THRB: variants seen among roughly 807,000 people sequenced by gnomAD.
THRB encodes the protein thyroid hormone receptor beta.
THRB carries 12 observed loss-of-function variants against 47.8 expected under a neutral mutation model. The observed-to-expected ratio is 0.25, with a 90% CI of 0.16 to 0.41. The LOEUF is 0.41. Ranked by LOEUF, THRB falls within the 10% of genes least tolerant of loss-of-function variation. The pLI is 1.00. For synonymous variants in THRB, 218 were observed against 212.2 expected (o/e 1.03, Z -0.24); for missense variants, 348 against 589.2 (o/e 0.59, Z 4.24).
In THRB at chr3:24,193,321, A is replaced by T. The variant is rs1033813141; in HGVS notation, c.23-2987T>A. Among the ~76,000 whole-genome samples the T allele has an allele frequency of 2.0e-5, 3 of 152,324 alleles. No individual in the cohort carries two copies. The East Asian group carries it at 5.8e-4, about 29-fold the overall frequency. ...CCTGAGGCACTATTAAACAACACTG[A>T]AGACCAGGCTTTTTGAAATTTGGAT... On this transcript the variant is annotated intron_variant, in intron 4 of 10. Coordinates refer to ENST00000646209, the MANE Select transcript of THRB (RefSeq NM_001354712.2).
At chr3:24,255,250 T>C (rs928369567) in intron 3 of THRB, among the ~76,000 whole-genome samples, 23 of 152,200 alleles carry the variant, frequency 1.5e-4, no homozygotes, top group Admixed American at 1.3e-4. Flanking sequence ...CCTCCCTCTA[T>C]GCATCCTTTT....
chr3:24,384,485 C>T (rs1179707999), intron 1 of THRB, among the ~76,000 whole-genome samples: 1 of 152,034 alleles, frequency 6.6e-6, no homozygotes, highest in Non-Finnish European at 1.5e-5. Context: ...GGGGGTGGAG[C>T]AATGGTGAAA....
chr3:24,251,383 G>C (rs1473613644), intron 3 of THRB, among the ~76,000 whole-genome samples: 1 of 151,972 alleles, frequency 6.6e-6, no homozygotes, highest in Non-Finnish European at 1.5e-5. Flanking sequence ...CATGTGTAAA[G>C]ATATCCCAAA....
intron 4 of THRB, among the ~76,000 whole-genome samples, chr3:24,214,536 C>T (rs2046371858): frequency 6.6e-6 from 1 of 152,208 alleles, no homozygotes; most frequent in South Asian, 2.1e-4. Flanking sequence ...ACCGAAGGTG[C>T]CGGTTTCCTC....
At position 24,290,199 on chromosome 3, in the gene THRB, G is replaced by A. The variant is rs987318152; in HGVS notation, c.-43+7027C>T. Among the ~76,000 whole-genome samples the A allele has an allele frequency of 4.6e-5, 7 of 152,116 alleles. 1 individual carries two copies. The highest frequency in any genetic ancestry group is 1.4e-4 in the African/African-American group (6 of 41,492). On this transcript the variant is annotated intron_variant, in intron 3 of 10. Transcript: ENST00000646209. ...CAGAAAGAAAAATATTTGGTGCTTAGTTACGTTTCTTTTGAGATATGAAGG... is the reference window on the plus strand; with the variant it reads ...CAGAAAGAAAAATATTTGGTGCTTAATTACGTTTCTTTTGAGATATGAAGG...
At chr3:24,171,773 T>C (rs990843395) in intron 5 of THRB, among the ~76,000 whole-genome samples, 1 of 152,132 alleles carries the variant, frequency 6.6e-6, no homozygotes, top group Non-Finnish European at 1.5e-5. Context: ...CTTGAGTCAC[T>C]AGATCATGCA....
intron 1 of THRB, among the ~76,000 whole-genome samples, chr3:24,415,789 C>A (rs1359525970): frequency 1.3e-5 from 2 of 151,734 alleles, no homozygotes; most frequent in African/African-American, 2.4e-5. Context: ...TATCTTGTGC[C>A]TTTTTGCTAT....
At chr3:24,242,268 A>AG (rs930613058) in intron 3 of THRB, among the ~76,000 whole-genome samples, 12 of 152,160 alleles carry the variant, frequency 7.9e-5, no homozygotes, top group Non-Finnish European at 1.6e-4. Context: ...TCCTGCTGGG[A>AG]GGGGGAAGGG....
intron 3 of THRB, among the ~76,000 whole-genome samples, chr3:24,258,627 C>T (rs2051584470): frequency 1.3e-5 from 2 of 152,162 alleles, no homozygotes; most frequent in South Asian, 4.1e-4. Context: ...GTATACATTA[C>T]TGCATACGCT....
intron 1 of THRB, among the ~76,000 whole-genome samples, chr3:24,401,612 A>G (rs887964593): frequency 4.6e-5 from 7 of 152,026 alleles, no homozygotes; most frequent in African/African-American, 1.4e-4. Flanking sequence ...TAATGAGGAT[A>G]TAGTTTTAAG....
chr3:24,386,767 C>T (rs1427499650), intron 1 of THRB, among the ~76,000 whole-genome samples: 1 of 152,108 alleles, frequency 6.6e-6, no homozygotes, highest in East Asian at 1.9e-4. Flanking sequence ...CCAAGGGCTA[C>T]CATTTTCTTG....
rs113338039 is a variant in THRB at position 24,244,449 on chromosome 3, A to T, written c.-42-15448T>A. Among the ~76,000 whole-genome samples the T allele has an allele frequency of 3.1e-3, 466 of 152,232 alleles. 1 individual carries two copies. Among genetic ancestry groups the T allele is most frequent in the African/African-American group, 0.011 (451 of 41,560 alleles). ...CATTTGCTGCCAGAGACATCTATTT[A>T]TTGGTAAAGAAATGTAATTGAAACT... is the stretch of plus-strand genomic sequence containing the variant. On this transcript the variant is annotated intron_variant, in intron 3 of 10. Coordinates refer to ENST00000646209, the MANE Select transcript of THRB (RefSeq NM_001354712.2).
intron 4 of THRB, among the ~76,000 whole-genome samples, chr3:24,220,333 A>C (rs826247): frequency 0.25 from 38,702 of 151,964 alleles, 5,438 homozygotes; most frequent in Admixed American, 0.34. Flanking sequence ...TCTACAAAAA[A>C]TACAAAAATT....
chr3:24,199,970 A>G (rs79947603), intron 4 of THRB, among the ~76,000 whole-genome samples: 5,513 of 152,254 alleles, frequency 0.036, 303 homozygotes, highest in African/African-American at 0.12. Context: ...GGAGGACACA[A>G]TGGAATCCTC....
chr3:24,300,020 A>C (rs565829681), intron 2 of THRB, among the ~76,000 whole-genome samples: 2 of 152,122 alleles, frequency 1.3e-5, no homozygotes, highest in African/African-American at 4.8e-5. Flanking sequence ...ATGACTCTTC[A>C]AAAGCCACCG....
chr3:24,397,782 A>G (rs962344035), intron 1 of THRB, among the ~76,000 whole-genome samples: 1 of 151,772 alleles, frequency 6.6e-6, no homozygotes, highest in South Asian at 2.1e-4. Context: ...ACGGGGTTTC[A>G]CTATGTTGGT....
chr3:24,389,690 C>A (rs116048239), intron 1 of THRB, among the ~76,000 whole-genome samples: 1 of 152,098 alleles, frequency 6.6e-6, no homozygotes, highest in Non-Finnish European at 1.5e-5. Context: ...CAATTCCCCC[C>A]CTTTTTTTTT....
chr3:24,404,404 G>A (rs1177029368), intron 1 of THRB, among the ~76,000 whole-genome samples: 1 of 151,808 alleles, frequency 6.6e-6, no homozygotes, highest in Non-Finnish European at 1.5e-5. Context: ...TATCATAAAA[G>A]GCTAATAAAA....
chr3:24,215,519 G>A (rs2046467765), intron 4 of THRB, among the ~76,000 whole-genome samples: 1 of 152,204 alleles, frequency 6.6e-6, no homozygotes, highest in Admixed American at 6.5e-5. Flanking sequence ...GTAAAACCTG[G>A]AATAGGGTCA....
Sources: allele counts gnomAD v4.1 joint callset (sites outside exome capture counted in the v4.1 genomes callset), GRCh38; gene constraint gnomAD v4.1.1; transcripts MANE v1.5; gene names NCBI Gene and HGNC (gene_info 2026-07-23, HGNC 2026-07-21).